CAPN2: variants seen among roughly 807,000 people sequenced by gnomAD.
The protein encoded by CAPN2 is calpain 2, also known as calpain-2 catalytic subunit.
A neutral mutation model predicts 102.3 loss-of-function variants in CAPN2; 92 were observed. That is an observed-to-expected ratio of 0.90 (90% confidence interval 0.76 to 1.07). The LOEUF (loss-of-function observed/expected upper bound fraction) is 1.07, where lower values mean the gene tolerates loss of function less well. Among genes scored for constraint, CAPN2 ranks in the 50% least tolerant of loss-of-function variants. The probability of loss-of-function intolerance (pLI) is 0.00; values close to 1 mark genes in which losing one functional copy is unlikely to be tolerated. For synonymous variants in CAPN2, 340 were observed against 355.4 expected, an observed-to-expected ratio of 0.96 and a Z score of 0.49; for missense variants, 800 against 909.4, an observed-to-expected ratio of 0.88 and a Z score of 1.55.
At chr1:223,762,287 T>C in intron 14 of CAPN2, 36 bp downstream of exon 14, 2 of 1,518,146 alleles carry the variant, frequency 1.3e-6, no homozygotes, top group Non-Finnish European at 1.8e-6. Context: ...TGCACTCTGG[T>C]TGATGCAAAG....
intron 2 of CAPN2, among the ~76,000 whole-genome samples, chr1:223,739,544 C>G (rs545187514): frequency 2.6e-4 from 40 of 152,174 alleles, no homozygotes; most frequent in African/African-American, 9.2e-4. Context: ...GAACATTCCC[C>G]CCGGAGAGGA....
chr1:223,769,985 GCA>G, intron 17 of CAPN2, 76 bp downstream of exon 17: 1 of 1,118,492 alleles, frequency 8.9e-7, no homozygotes, highest in East Asian at 2.6e-5. Flanking sequence ...AGCAACTCCT[GCA>G]CAGAGTGGAG....
chr1:223,712,513 T>C (rs2102770435), upstream of CAPN2: 1 of 1,212,250 alleles, frequency 8.2e-7, no homozygotes, highest in Non-Finnish European at 1.0e-6. Flanking sequence ...CTCCGGTGAA[T>C]CATCGCTCGC....
intron 2 of CAPN2, among the ~76,000 whole-genome samples, chr1:223,740,933 C>T (rs1441315941): frequency 6.6e-6 from 1 of 152,138 alleles, no homozygotes; most frequent in African/African-American, 2.4e-5. Context: ...ACATCAAAAG[C>T]CTGTGCTTTG....
intron 2 of CAPN2, among the ~76,000 whole-genome samples, chr1:223,732,773 G>A (rs190760570): frequency 6.6e-6 from 1 of 152,272 alleles, no homozygotes; most frequent in African/African-American, 2.4e-5. Flanking sequence ...AAATAATGGT[G>A]ATTTTCTTCT....
chr1:223,762,818 C>G (rs7552702), intron 14 of CAPN2, among the ~76,000 whole-genome samples: 24,682 of 152,012 alleles, frequency 0.16, 2,684 homozygotes, highest in African/African-American at 0.31. Flanking sequence ...GTAGCTGGGA[C>G]TATAGGTGCA....
Position 223,731,859 on chromosome 1 carries a change from G to C in CAPN2, c.308-12241G>C, listed in dbSNP as rs1039187834. Among the ~76,000 whole-genome samples the C allele has an allele frequency of 6.6e-6, 1 of 152,236 alleles. No homozygotes were observed. The highest frequency in any genetic ancestry group is 1.5e-5 in the Non-Finnish European group (1 of 68,036). ...GTTCTGCCTGCTCTTCCTCCAAGAT[G>C]AGCTCCCTTGGCCAGTGTGTGAAAC... On this transcript the variant is annotated intron_variant, in intron 2 of 20. Transcript: ENST00000295006. The surrounding 1 kb of genome is among the most constrained non-coding windows in gnomAD (Gnocchi z 4.2).
intron 1 of CAPN2, among the ~76,000 whole-genome samples, chr1:223,702,495 T>C (rs574081699): frequency 6.6e-6 from 1 of 151,770 alleles, no homozygotes; most frequent in South Asian, 2.1e-4. Context: ...GGAAGGAAAA[T>C]AAACTACATT....
At chr1:223,733,656 C>T (rs748649339) in intron 2 of CAPN2, among the ~76,000 whole-genome samples, 3 of 152,102 alleles carry the variant, frequency 2.0e-5, no homozygotes, top group Non-Finnish European at 1.5e-5. Context: ...ATCCAGGTCA[C>T]GTGAGTCTTG....
In CAPN2 at chr1:223,764,223, T is replaced by C. The variant is rs772148823; in HGVS notation, c.1690+16T>C. ...CTAGCAAAGCGTGAGTATCCCCTCA[T>C]TGCAAAACCTCATCCTGCTCTTTCC... On this transcript the variant is annotated intron_variant, in intron 15 of 20. Transcript: ENST00000295006. 19 of 1,608,416 alleles carry C rather than the reference T, an allele frequency of 1.2e-5. No homozygotes were observed. The highest frequency in any genetic ancestry group is 1.5e-5 in the Non-Finnish European group (18 of 1,174,904).
In CAPN2 at chr1:223,740,205, G is replaced by A. The variant is rs12058009; in HGVS notation, c.308-3895G>A. Among the ~76,000 whole-genome samples, 84 of 152,284 alleles carry A rather than the reference G, an allele frequency of 5.5e-4. No individual in the cohort carries two copies. In the East Asian group the frequency reaches 0.01, roughly 18 times the overall value. ...CGTCGAGGTGGAGTGAGAGAACACC[G>A]TGCCACCTGGACGCTGAAACACCAT... On this transcript the variant is annotated intron_variant, in intron 2 of 20. Transcript: ENST00000295006.
rs1660988033 is a variant in CAPN2, at chr1:223,754,701, G to A, written c.1136-779G>A. Reference sequence around the variant, plus strand: ...TAAATAGGTTTTGGAAGTAAAGAGGGCAGAGACATCAGGAGCAGGGCAAGG... The same window carrying A: ...TAAATAGGTTTTGGAAGTAAAGAGGACAGAGACATCAGGAGCAGGGCAAGG... On this transcript the variant is annotated intron_variant, in intron 9 of 20. Transcript: ENST00000295006. The surrounding 1 kb of genome is among the most constrained non-coding windows in gnomAD (Gnocchi z 4.7). Among the ~76,000 whole-genome samples the A allele has an allele frequency of 6.6e-6, 1 of 152,198 alleles. No individual in the cohort carries two copies. The highest frequency in any genetic ancestry group is 2.4e-5 in the African/African-American group (1 of 41,444).
Position 223,755,535 on chromosome 1 carries a change from C to T in CAPN2, c.1191C>T (p.Asp397=), listed in dbSNP as rs201268064. 93 of 1,613,794 alleles carry T rather than the reference C, an allele frequency of 5.8e-5. No individual in the cohort carries two copies. Among genetic ancestry groups the T allele is most frequent in the African/African-American group, 9.3e-5 (7 of 75,028 alleles). Residue 397 remains aspartate (D), a synonymous_variant, in exon 10 of 21, where the codon GAC becomes GAT. Coordinates refer to ENST00000295006, the MANE Select transcript of CAPN2 (RefSeq NM_001748.5). The surrounding 1 kb of genome is among the most constrained non-coding windows in gnomAD (Gnocchi z 4.1). ...YLIKLEEEDE[D]EEDGESGCTF... The stretch of plus-strand genomic sequence containing the variant: ...TCAAGCTGGAGGAGGAGGATGAGGA[C>T]GAGGAGGATGGGGAGAGCGGCTGCA...
rs1416957750 is a variant in CAPN2, at chr1:223,731,575, G to A, written c.308-12525G>A. On this transcript the variant is annotated intron_variant, in intron 2 of 20. Coordinates refer to ENST00000295006, the MANE Select transcript of CAPN2 (RefSeq NM_001748.5). The surrounding 1 kb of genome is among the most constrained non-coding windows in gnomAD (Gnocchi z 4.2). ...CAGTTTCCACGTCTGTCTCCTGCCG[G>A]CTGTGAGCTCACTGCCTCAGAACCA... Among the ~76,000 whole-genome samples the A allele has an allele frequency of 2.0e-5, 3 of 152,196 alleles. No homozygotes were observed. Among genetic ancestry groups the A allele is most frequent in the Non-Finnish European group, 2.9e-5 (2 of 68,054 alleles).
intron 2 of CAPN2, among the ~76,000 whole-genome samples, chr1:223,739,102 C>T (rs566433553): frequency 1.1e-4 from 17 of 152,126 alleles, no homozygotes; most frequent in African/African-American, 3.6e-4. Context: ...CTCAAGTTCC[C>T]AAGACAATAG....
At position 223,756,429 on chromosome 1, in the gene CAPN2, C is replaced by G. The variant is rs574086696; in HGVS notation, c.1305+780C>G. On this transcript the variant is annotated intron_variant, in intron 10 of 20. Transcript: ENST00000295006. This position sits in a 1 kb window ranked among gnomAD's most constrained non-coding sequence, Gnocchi z 4.1. ...GCTGGAGCTGGCTCCTCCCGGCTCC[C>G]AAAGCCCATCTCTTTTCTCTGACCC... is the stretch of plus-strand genomic sequence containing the variant. Among the ~76,000 whole-genome samples, 12 of 152,304 alleles carry G rather than the reference C, an allele frequency of 7.9e-5. 1 individual carries two copies. The Middle Eastern group carries it at 0.01, about 130-fold the overall frequency.
Position 223,743,992 on chromosome 1 carries a change from A to G in CAPN2, c.308-108A>G, listed in dbSNP as rs558437481. The G allele has an allele frequency of 1.6e-4, 122 of 765,834 alleles. 3 individuals are homozygous for G. In the South Asian group the frequency reaches 1.7e-3, roughly 11 times the overall value. The allele number at this position is 765,834 out of a possible 1,614,324, so 47.4% of individuals were successfully genotyped here. On this transcript the variant is annotated intron_variant, in intron 2 of 20. Coordinates refer to ENST00000295006, the MANE Select transcript of CAPN2 (RefSeq NM_001748.5). ...GACTGCCTGAAACTTCACTCTGTCT[A>G]TTCACAGGTTGTCTTAGGCTTTAAG...
At position 223,712,848 on chromosome 1, in the gene CAPN2, AC is replaced by A. The variant is rs765635275; in HGVS notation, c.211del (p.Arg71GlyfsTer46). On this transcript the variant is annotated frameshift_variant, in exon 1 of 21. Coordinates refer to ENST00000295006, the MANE Select transcript of CAPN2 (RefSeq NM_001748.5). LOFTEE classifies it high-confidence loss of function. ...FKELGPYSSK[T>X]RGIEWKRPTE... ...GGAGTTGGGGCCCTACTCCAGCAAA[AC>A]CCGGGGCATCGAGTGGAAGCGCCCC... The A allele has an allele frequency of 1.7e-5, 27 of 1,553,188 alleles. No homozygotes were observed. The highest frequency in any genetic ancestry group is 2.2e-5 in the Non-Finnish European group (25 of 1,152,658).
At chr1:223,772,095 TG>T (rs1208048767) in intron 19 of CAPN2, 85 bp from the exon 20 acceptor site, 2 of 1,312,694 alleles carry the variant, frequency 1.5e-6, no homozygotes, top group Non-Finnish European at 2.2e-6. Context: ...TGGTGGTCAG[TG>T]AAGTCAGTTG....
Sources: allele counts gnomAD v4.1 joint callset (sites outside exome capture counted in the v4.1 genomes callset), GRCh38; gene constraint gnomAD v4.1.1; non-coding constraint Gnocchi (gnomAD v3.1); transcripts MANE v1.5; gene names NCBI Gene and HGNC (gene_info 2026-07-23, HGNC 2026-07-21).